The following EYS variants were observed in gnomAD, a reference collection of about 807,000 sequenced individuals.
EYS encodes EGF-like photoreceptor maintenance factor.
Under a neutral mutation model 282.1 loss-of-function variants are expected in EYS, and 250 were observed. That is an observed-to-expected ratio of 0.89 (90% CI 0.80 to 0.98). The LOEUF is 0.98. Ranked by LOEUF, EYS falls within the 50% of genes least tolerant of loss-of-function variation. The pLI is 0.00. For missense variants in EYS, 4,016 were observed against 3,709.0 expected (o/e 1.08, Z -2.15); for synonymous variants, 1,355 against 1,282.9 (o/e 1.06, Z -1.20).
chr6:63,769,421 T>C (rs1345371410), intron 40 of EYS, among the ~76,000 whole-genome samples: 1 of 152,058 alleles, frequency 6.6e-6, no homozygotes, highest in Non-Finnish European at 1.5e-5. Flanking sequence ...TACCTAAGAC[T>C]ACTTAAATTA....
intron 2 of EYS, among the ~76,000 whole-genome samples, chr6:65,604,512 T>C (rs563983037): frequency 6.6e-6 from 1 of 152,044 alleles, no homozygotes; most frequent in South Asian, 2.1e-4. Context: ...AGTACTAAAA[T>C]ACCAAGGTGT....
chr6:64,303,729 TA>T (rs1431942934), intron 30 of EYS, among the ~76,000 whole-genome samples: 2 of 149,144 alleles, frequency 1.3e-5, no homozygotes, highest in Non-Finnish European at 3.0e-5. Context: ...TAGTCCCAGC[TA>T]CACGGGAGGC....
chr6:64,655,213 C>T (rs956424315), intron 22 of EYS, among the ~76,000 whole-genome samples: 1 of 152,076 alleles, frequency 6.6e-6, no homozygotes, highest in African/African-American at 2.4e-5. Context: ...GAGCTAAATG[C>T]TTTTCTGTTA....
intron 41 of EYS, among the ~76,000 whole-genome samples, chr6:63,750,435 C>T (rs1451545982): frequency 6.6e-6 from 1 of 152,154 alleles, no homozygotes; most frequent in Non-Finnish European, 1.5e-5. Flanking sequence ...GCTGGAAGAC[C>T]TCTCAAACCC....
At chr6:64,130,753 C>T (rs1582314654) in intron 31 of EYS, among the ~76,000 whole-genome samples, 2 of 152,152 alleles carry the variant, frequency 1.3e-5, no homozygotes, top group South Asian at 4.1e-4. Context: ...CTAAACATGG[C>T]ATATTAGAGA....
In EYS at chr6:64,944,681, A is replaced by C. The variant is rs770802847; in HGVS notation, c.2381+1112T>G. On this transcript the variant is annotated intron_variant, in intron 15 of 42. Transcript: ENST00000503581. ...AGGAGGATTAGTAAAAGAGGAAAGC[A>C]TCTTGCAGCTGAGATAGAGGAAGGC... Among the ~76,000 whole-genome samples the C allele has an allele frequency of 1.7e-4, 26 of 152,146 alleles. 1 individual carries two copies. The highest frequency in any genetic ancestry group is 8.5e-4 in the Admixed American group (13 of 15,276).
At chr6:65,673,287 G>A (rs202190996) in intron 1 of EYS, among the ~76,000 whole-genome samples, 8 of 152,062 alleles carry the variant, frequency 5.3e-5, no homozygotes, top group Non-Finnish European at 7.4e-5. Context: ...TTGGGGCAGC[G>A]TGGGAACGTA....
intron 2 of EYS, among the ~76,000 whole-genome samples, chr6:65,525,187 G>A (rs577082771): frequency 1.1e-3 from 170 of 152,100 alleles, no homozygotes; most frequent in Non-Finnish European, 1.7e-3. Context: ...AGCATTTGAA[G>A]ATAGGGCTCA....
intron 14 of EYS, among the ~76,000 whole-genome samples, chr6:64,975,454 A>AT (rs1301303045): frequency 6.6e-6 from 1 of 151,722 alleles, no homozygotes; most frequent in East Asian, 1.9e-4. Flanking sequence ...CTGTTAGGAT[A>AT]TTTTTTCCCT....
chr6:65,449,832 A>C (rs1764341610), intron 5 of EYS, among the ~76,000 whole-genome samples: 1 of 151,896 alleles, frequency 6.6e-6, no homozygotes, highest in African/African-American at 2.4e-5. Flanking sequence ...TTCTTCCTTT[A>C]GCTGGGCCTC....
At chr6:64,770,868 C>G (rs894274957) in intron 22 of EYS, among the ~76,000 whole-genome samples, 1 of 151,794 alleles carries the variant, frequency 6.6e-6, no homozygotes, top group East Asian at 1.9e-4. Flanking sequence ...TTCTACAGCA[C>G]AGCAGAAGTT....
chr6:64,297,763 A>G (rs1769086407), intron 30 of EYS, among the ~76,000 whole-genome samples: 1 of 152,116 alleles, frequency 6.6e-6, no homozygotes, highest in African/African-American at 2.4e-5. Context: ...GTATCACCTG[A>G]GGTCAGGTGC....
intron 35 of EYS, among the ~76,000 whole-genome samples, chr6:63,934,229 T>C (rs1249912779): frequency 6.6e-6 from 1 of 152,102 alleles, no homozygotes; most frequent in Non-Finnish European, 1.5e-5. Context: ...AGAACGGCGA[T>C]CATTAAAAAA....
At chr6:64,896,243 T>C (rs1201413519) in intron 18 of EYS, among the ~76,000 whole-genome samples, 1 of 151,998 alleles carries the variant, frequency 6.6e-6, no homozygotes, top group African/African-American at 2.4e-5. Context: ...CCAGTTCATC[T>C]CCCTGGTACT....
chr6:65,113,650 T>A lies in EYS; in HGVS notation c.2024-55923A>T, dbSNP rs1775284275. On this transcript the variant is annotated intron_variant, in intron 12 of 42. Coordinates refer to ENST00000503581, the MANE Select transcript of EYS (RefSeq NM_001142800.2). The stretch of plus-strand genomic sequence containing the variant: ...TTCTTCATGCCATGTTCTTCTTTAC[T>A]TCTTATTCGAATTCTTATATTGTTG... Among the ~76,000 whole-genome samples, 4 of 152,086 alleles carry A rather than the reference T, an allele frequency of 2.6e-5. No homozygotes were observed. The South Asian group carries it at 8.3e-4, about 32-fold the overall frequency.
At chr6:65,338,266 T>C (rs949916803) in intron 10 of EYS, among the ~76,000 whole-genome samples, 1 of 148,680 alleles carries the variant, frequency 6.7e-6, no homozygotes, top group Non-Finnish European at 1.5e-5. Flanking sequence ...AGAATTTTGG[T>C]TTTCTATAAA....
intron 31 of EYS, among the ~76,000 whole-genome samples, chr6:64,187,083 A>G (rs1195140142): frequency 1.3e-5 from 2 of 152,090 alleles, no homozygotes; most frequent in African/African-American, 2.4e-5. Context: ...AGATGAACCA[A>G]CTGACTAAAC....
intron 23 of EYS, among the ~76,000 whole-genome samples, chr6:64,622,385 A>G (rs567200045): frequency 8.5e-5 from 13 of 152,252 alleles, no homozygotes; most frequent in Middle Eastern, 3.4e-3. Flanking sequence ...ACTCTCTACT[A>G]GGATTTGGTG....
At chr6:64,319,882 C>T (rs1770142822) in intron 29 of EYS, among the ~76,000 whole-genome samples, 1 of 151,958 alleles carries the variant, frequency 6.6e-6, no homozygotes, top group Non-Finnish European at 1.5e-5. Context: ...TGTGCCTCAT[C>T]CCCACCTGGC....
Sources: allele counts gnomAD v4.1 joint callset (sites outside exome capture counted in the v4.1 genomes callset), GRCh38; gene constraint gnomAD v4.1.1; transcripts MANE v1.5; gene names NCBI Gene and HGNC (gene_info 2026-07-23, HGNC 2026-07-21).